Variants in ZC3H7B observed in about 807,000 individuals in gnomAD.
ZC3H7B encodes the protein zinc finger CCCH-type containing 7B, also known as zinc finger CCCH domain-containing protein 7B.
In ZC3H7B, 35 loss-of-function variants were observed where a neutral mutation model predicts 116.0. That is an observed-to-expected ratio of 0.30 (90% confidence interval 0.23 to 0.40). ZC3H7B has a LOEUF of 0.40. Ranked by LOEUF, ZC3H7B falls within the 10% of genes least tolerant of loss-of-function variation. ZC3H7B has a pLI of 1.00. For synonymous variants in ZC3H7B, 502 were observed against 545.6 expected, an observed-to-expected ratio of 0.92 and a Z score of 1.11; for missense variants, 1,011 against 1,321.5, an observed-to-expected ratio of 0.77 and a Z score of 3.64.
In ZC3H7B at chr22:41,346,353, G is replaced by A. The variant is rs2036585054; in HGVS notation, c.1665+145G>A. The A allele has an allele frequency of 2.4e-6, 2 of 843,126 alleles. No individual in the cohort carries two copies. The highest frequency in any genetic ancestry group is 3.7e-6 in the Non-Finnish European group (2 of 544,688). The allele number at this position is 843,126 out of a possible 1,614,324, so 52.2% of individuals were successfully genotyped here. On this transcript the variant is annotated intron_variant, in intron 14 of 22. Transcript: ENST00000352645. The surrounding 1 kb of genome is among the most constrained non-coding windows in gnomAD (Gnocchi z 5.3). ...GTCTTAGAACCAGTAGGTCCTGGAG[G>A]GTCAGTAAGTCTGGGCCCTAGGATC...
intron 13 of ZC3H7B, 59 bp from the exon 14 acceptor site, chr22:41,345,944 G>A (rs971738020): frequency 1.9e-6 from 3 of 1,576,526 alleles, no homozygotes; most frequent in Admixed American, 1.7e-5. Flanking sequence ...GGGGTGGCGA[G>A]GGTGCTGCGG....
chr22:41,344,250 C>T (rs1221709279), intron 13 of ZC3H7B, among the ~76,000 whole-genome samples: 1 of 152,198 alleles, frequency 6.6e-6, no homozygotes, highest in Non-Finnish European at 1.5e-5. Context: ...CTCTGCCTCT[C>T]CCCCAACCTG....
In ZC3H7B at chr22:41,338,189, C is replaced by T. The variant is rs1569238649; in HGVS notation, c.583-124C>T. On this transcript the variant is annotated intron_variant, in intron 7 of 22. Transcript: ENST00000352645. This position sits in a 1 kb window ranked among gnomAD's most constrained non-coding sequence, Gnocchi z 4.5. ...GGCCGCATGTGAGGGCTTTAATCTC[C>T]CCTGGCACTCTAAGTGCTCCTCGGT... 1 of 1,021,508 alleles carries T rather than the reference C, an allele frequency of 9.8e-7. No homozygotes were observed. Among genetic ancestry groups the T allele is most frequent in the Non-Finnish European group, 1.4e-6 (1 of 694,000 alleles). The allele number at this position is 1,021,508 out of a possible 1,614,324, so 63.3% of individuals were successfully genotyped here. A position where few individuals can be genotyped will look rare whatever the true frequency, so the allele number is the denominator to read the frequency against.
chr22:41,349,085 C>T lies in ZC3H7B; in HGVS notation c.1767-35C>T, dbSNP rs2036624351. On this transcript the variant is annotated intron_variant, in intron 15 of 22. Transcript: ENST00000352645. The surrounding 1 kb of genome is among the most constrained non-coding windows in gnomAD (Gnocchi z 4.9). ...GAGAGAAGGTCAGAGGGGCTGCGGA[C>T]TGCATCGTGCCCCTCCTGCCTGCCC... 6.2e-7 allele frequency: 1 copy of T among 1,608,360 alleles called. No homozygotes were observed. The highest frequency in any genetic ancestry group is 8.5e-7 in the Non-Finnish European group (1 of 1,177,316).
rs1472931766 is a variant in ZC3H7B, at chr22:41,302,181, C to T, written c.-7+409C>T. Among the ~76,000 whole-genome samples the T allele has an allele frequency of 6.6e-6, 1 of 152,020 alleles. No individual in the cohort carries two copies. Among genetic ancestry groups the T allele is most frequent in the African/African-American group, 2.4e-5 (1 of 41,412 alleles). ...TTTGCCGACCCCGCGCAGGGGGTCT[C>T]GGGGGCTGGCAGGGGCGTCGCTGGC... On this transcript the variant is annotated intron_variant, in intron 1 of 22. Transcript: ENST00000352645. This position sits in a 1 kb window ranked among gnomAD's most constrained non-coding sequence, Gnocchi z 5.7.
chr22:41,356,845 G>A (rs780596003), intron 22 of ZC3H7B, 37 bp downstream of exon 22: 22 of 1,611,024 alleles, frequency 1.4e-5, no homozygotes, highest in Non-Finnish European at 1.9e-5. Flanking sequence ...GGGACATGGG[G>A]TGGCCCGAGG....
intron 1 of ZC3H7B, among the ~76,000 whole-genome samples, chr22:41,314,707 T>A (rs2036158690): frequency 6.6e-6 from 1 of 151,382 alleles, no homozygotes; most frequent in African/African-American, 2.4e-5. Flanking sequence ...CCTCATGGGT[T>A]CAAGTGATTC....
rs1014704091 is a variant in ZC3H7B, at chr22:41,349,411, C to T, written c.1948+110C>T. 1 of 1,435,606 alleles carries T rather than the reference C, an allele frequency of 7.0e-7. No individual in the cohort carries two copies. Among genetic ancestry groups the T allele is most frequent in the Non-Finnish European group, 9.4e-7 (1 of 1,061,050 alleles). The allele number at this position is 1,435,606 out of a possible 1,614,324, so 88.9% of individuals were successfully genotyped here. ...GGGTGACAGGCCAGGGCCCCATGGT[C>T]GCTGGAGGGGGCTTCGGGAGAGTTC... On this transcript the variant is annotated intron_variant, in intron 16 of 22. Transcript: ENST00000352645. The surrounding 1 kb of genome is among the most constrained non-coding windows in gnomAD (Gnocchi z 4.9).
intron 9 of ZC3H7B, 87 bp downstream of exon 9, chr22:41,339,278 T>C: frequency 1.4e-6 from 2 of 1,465,764 alleles, no homozygotes; most frequent in South Asian, 2.8e-5. Context: ...AAGGCCCCAA[T>C]GCTCATGTCA....
Position 41,327,304 on chromosome 22 carries a change from A to G in ZC3H7B, c.384A>G (p.Glu128=). 6.2e-7 allele frequency: 1 copy of G among 1,613,832 alleles called. No homozygotes were observed. The highest frequency in any genetic ancestry group is 2.2e-5 in the East Asian group (1 of 44,884). Residue 128 remains glutamate (E), a synonymous_variant, in exon 5 of 23, where the codon GAA becomes GAG. Transcript: ENST00000352645. The surrounding 1 kb of genome is among the most constrained non-coding windows in gnomAD (Gnocchi z 4.5). ...ALFRKARALN[E]LGRHKEAYEC... is the part of the protein sequence containing the mutation. ...TCCGCAAGGCACGCGCTCTCAATGA[A>G]CTGGGACGCCACAAGGAGGCCTACG... is the stretch of plus-strand genomic sequence containing the variant.
Position 41,338,196 on chromosome 22 carries a change from A to G in ZC3H7B, c.583-117A>G, listed in dbSNP as rs1311232227. Reference sequence around the variant, plus strand: ...TGTGAGGGCTTTAATCTCCCCTGGCACTCTAAGTGCTCCTCGGTGCTGGGT... The same window carrying G: ...TGTGAGGGCTTTAATCTCCCCTGGCGCTCTAAGTGCTCCTCGGTGCTGGGT... On this transcript the variant is annotated intron_variant, in intron 7 of 22. Transcript: ENST00000352645. The surrounding 1 kb of genome is among the most constrained non-coding windows in gnomAD (Gnocchi z 4.5). 2.8e-6 allele frequency: 3 copies of G among 1,088,056 alleles called. No individual in the cohort carries two copies. The highest frequency in any genetic ancestry group is 4.0e-6 in the Non-Finnish European group (3 of 751,252). The allele number at this position is 1,088,056 out of a possible 1,614,324, so 67.4% of individuals were successfully genotyped here.
At chr22:41,318,560 C>T (rs1382020727) in intron 1 of ZC3H7B, among the ~76,000 whole-genome samples, 2 of 145,752 alleles carry the variant, frequency 1.4e-5, no homozygotes, top group Non-Finnish European at 3.0e-5. Flanking sequence ...CCAGCCTGGG[C>T]AACATAGTGA....
chr22:41,347,974 C>T (rs1181715438), intron 14 of ZC3H7B, 93 bp from the exon 15 acceptor site: 6 of 1,088,896 alleles, frequency 5.5e-6, no homozygotes, highest in East Asian at 2.4e-5. Flanking sequence ...TGCAGGGACC[C>T]AGCTGTCCTT....
chr22:41,340,882 CAA>C (rs1362979838), intron 10 of ZC3H7B, among the ~76,000 whole-genome samples: 3 of 152,208 alleles, frequency 2.0e-5, no homozygotes, highest in Middle Eastern at 3.4e-3. Context: ...CAAGTTTAAG[CAA>C]AGAGTGGACA....
At chr22:41,312,117 A>G (rs1601762810) in intron 1 of ZC3H7B, among the ~76,000 whole-genome samples, 1 of 148,820 alleles carries the variant, frequency 6.7e-6, no homozygotes, top group African/African-American at 2.5e-5. Flanking sequence ...AGTTCGTGCC[A>G]CTGCACTCCA....
Position 41,351,162 on chromosome 22 carries a change from G to A in ZC3H7B, c.1949-399G>A, listed in dbSNP as rs925711062. 6.6e-6 allele frequency among the ~76,000 whole-genome samples: 1 copy of A among 152,334 alleles called. No individual in the cohort carries two copies. Among genetic ancestry groups the A allele is most frequent in the South Asian group, 2.1e-4 (1 of 4,826 alleles). On this transcript the variant is annotated intron_variant, in intron 16 of 22. Transcript: ENST00000352645. This position sits in a 1 kb window ranked among gnomAD's most constrained non-coding sequence, Gnocchi z 5.1. ...GGCAGGCATGGAGCCCTAAGTGCCA[G>A]TGAGGCCAGGGGCTGCCAAGCAGGC... is the stretch of plus-strand genomic sequence containing the variant.
Position 41,349,070 on chromosome 22 carries a change from C to T in ZC3H7B, c.1767-50C>T. Reference sequence around the variant, plus strand: ...AGGTGGCCCTACCAGGAGAGAAGGTCAGAGGGGCTGCGGACTGCATCGTGC... The same window carrying T: ...AGGTGGCCCTACCAGGAGAGAAGGTTAGAGGGGCTGCGGACTGCATCGTGC... On this transcript the variant is annotated intron_variant, in intron 15 of 22. Transcript: ENST00000352645. This position sits in a 1 kb window ranked among gnomAD's most constrained non-coding sequence, Gnocchi z 4.9. 4 of 1,591,034 alleles carry T rather than the reference C, an allele frequency of 2.5e-6. No individual in the cohort carries two copies. Among genetic ancestry groups the T allele is most frequent in the Non-Finnish European group, 3.4e-6 (4 of 1,166,920 alleles).
Position 41,357,512 on chromosome 22 carries a change from C to A in ZC3H7B, c.*83C>A. The A allele has an allele frequency of 2.8e-6, 3 of 1,075,792 alleles. No individual in the cohort carries two copies. Among genetic ancestry groups the A allele is most frequent in the South Asian group, 1.4e-5 (1 of 69,724 alleles). The allele number at this position is 1,075,792 out of a possible 1,614,324, so 66.6% of individuals were successfully genotyped here. A position where few individuals can be genotyped will look rare whatever the true frequency, so the allele number is the denominator to read the frequency against. Reference sequence around the variant, plus strand: ...GGCCTGATAGAAGGGTCAGGGCAGGCCAGGGGGGTGGGGGGCCGCCCTCAT... The same window carrying A: ...GGCCTGATAGAAGGGTCAGGGCAGGACAGGGGGGTGGGGGGCCGCCCTCAT... On this transcript the variant is annotated 3_prime_UTR_variant, in exon 23 of 23. Coordinates refer to ENST00000352645, the MANE Select transcript of ZC3H7B (RefSeq NM_017590.6). The surrounding 1 kb of genome is among the most constrained non-coding windows in gnomAD (Gnocchi z 5.4).
chr22:41,346,150 G>A lies in ZC3H7B; in HGVS notation c.1607G>A (p.Ser536Asn). The A allele has an allele frequency of 2.5e-6, 4 of 1,612,878 alleles. No individual in the cohort carries two copies. The highest frequency in any genetic ancestry group is 3.4e-6 in the Non-Finnish European group (4 of 1,179,974). Residue 536 changes from serine (S) to asparagine (N), a missense_variant, in exon 14 of 23, where the codon AGC (serine) becomes AAC (asparagine). Physicochemically the swap from Ser to Asn is conservative, Grantham distance 46. This residue lies in a region of ZC3H7B where 179 missense variants were observed against 178.5 expected (regional missense o/e 1.00). Transcript: ENST00000352645. The surrounding 1 kb of genome is among the most constrained non-coding windows in gnomAD (Gnocchi z 5.3). ...CCGCTGGGGGGTGTTAAGCGCGGCA[G>A]CCTCACCATCGCCAAGCTCCTGAAG... is the stretch of plus-strand genomic sequence containing the variant. ...FDPLGGVKRG[S>N]LTIAKLLKEH...
Sources: allele counts gnomAD v4.1 joint callset (sites outside exome capture counted in the v4.1 genomes callset), GRCh38; gene constraint gnomAD v4.1.1; regional missense constraint gnomAD v4.1.1; non-coding constraint Gnocchi (gnomAD v3.1); transcripts MANE v1.5; gene names NCBI Gene and HGNC (gene_info 2026-07-23, HGNC 2026-07-21).